Variants in NOX4 observed in about 807,000 individuals in gnomAD.
NOX4 encodes NADPH oxidase 4, also known as kidney oxidase-1.
Under a neutral mutation model 87.6 loss-of-function variants are expected in NOX4, and 69 were observed. The ratio of observed to expected loss-of-function variants is 0.79; its 90% confidence interval spans 0.65 to 0.96. NOX4 has a LOEUF of 0.96. Among genes scored for constraint, NOX4 ranks in the 40% least tolerant of loss-of-function variants. The pLI is 0.00. For missense variants in NOX4, 680 were observed against 681.5 expected, an observed-to-expected ratio of 1.00 and a Z score of 0.02; for synonymous variants, 275 against 238.2, an observed-to-expected ratio of 1.15 and a Z score of -1.42.
At chr11:89,579,925 A>G in the NOX4 span, among the ~76,000 whole-genome samples, 1 of 152,132 alleles carries the variant, frequency 6.6e-6, no homozygotes, top group Admixed American at 6.6e-5. Flanking sequence ...AAAAAAAAAA[A>G]GACCATTTAG....
chr11:89,433,585 A>C (rs1454375583), intron 6 of NOX4, among the ~76,000 whole-genome samples: 2 of 152,068 alleles, frequency 1.3e-5, no homozygotes, highest in Non-Finnish European at 2.9e-5. Flanking sequence ...GAATAATTTT[A>C]AACAAAAAAT....
chr11:89,493,664 G>A (rs1022221080), upstream of NOX4, among the ~76,000 whole-genome samples: 2 of 151,420 alleles, frequency 1.3e-5, no homozygotes, highest in Admixed American at 6.6e-5. Context: ...GTCCTGTTAC[G>A]CAGGAACTCT....
chr11:89,447,674 T>C (rs527341417), intron 4 of NOX4, among the ~76,000 whole-genome samples: 11 of 152,188 alleles, frequency 7.2e-5, no homozygotes, highest in Non-Finnish European at 1.6e-4. Context: ...TTGGTTGCTC[T>C]CCAGTTGAAC....
At chr11:89,392,694 G>A (rs1411019395) in intron 11 of NOX4, among the ~76,000 whole-genome samples, 1 of 151,852 alleles carries the variant, frequency 6.6e-6, no homozygotes, top group African/African-American at 2.4e-5. Context: ...TGTTATTTGG[G>A]CATTGATGAC....
chr11:89,459,617 T>G (rs1190482516), intron 2 of NOX4, among the ~76,000 whole-genome samples: 1 of 151,996 alleles, frequency 6.6e-6, no homozygotes, highest in Non-Finnish European at 1.5e-5. Context: ...GTGAAGGACC[T>G]CTTCAAGGAG....
the NOX4 span, among the ~76,000 whole-genome samples, chr11:89,579,491 A>G: frequency 6.6e-6 from 1 of 152,152 alleles, no homozygotes; most frequent in Non-Finnish European, 1.5e-5. Flanking sequence ...GTCTATTTAA[A>G]GAACAAAATA....
intron 2 of NOX4, among the ~76,000 whole-genome samples, chr11:89,459,755 C>A (rs575691948): frequency 7.9e-5 from 12 of 152,222 alleles, no homozygotes; most frequent in Non-Finnish European, 1.8e-4. Flanking sequence ...TACAGATTCA[C>A]TGCCATCCCC....
At chr11:89,577,152 T>G in the NOX4 span, 1 of 152,034 alleles carries the variant, frequency 6.6e-6, no homozygotes, top group African/African-American at 2.4e-5. Flanking sequence ...CAAGCAGCAG[T>G]GGGATATGAT....
At chr11:89,522,426 G>A in the NOX4 span, among the ~76,000 whole-genome samples, 7 of 152,128 alleles carry the variant, frequency 4.6e-5, no homozygotes, top group African/African-American at 1.4e-4. Context: ...AATACCACAT[G>A]TTCTTACTTA....
chr11:89,344,955 C>G (rs531268395), intron 13 of NOX4, among the ~76,000 whole-genome samples: 1 of 152,104 alleles, frequency 6.6e-6, no homozygotes, highest in Non-Finnish European at 1.5e-5. Context: ...TCTAACAATT[C>G]TCTCTTCATG....
At chr11:89,501,731 G>A (rs1947023082), upstream of NOX4, among the ~76,000 whole-genome samples, 1 of 151,958 alleles carries the variant, frequency 6.6e-6, no homozygotes. Context: ...TCCCAAATAT[G>A]TAAAGTCAAA....
intron 11 of NOX4, among the ~76,000 whole-genome samples, chr11:89,383,894 C>G (rs957155118): frequency 6.6e-6 from 1 of 152,098 alleles, no homozygotes. Context: ...TAACTCTACT[C>G]CCTCCTTGGG....
intron 2 of NOX4, among the ~76,000 whole-genome samples, chr11:89,482,296 T>C (rs1946423795): frequency 6.6e-6 from 1 of 152,080 alleles, no homozygotes. Context: ...CAAATTAATT[T>C]CTCAAAATGC....
chr11:89,575,504 T>A, the NOX4 span, among the ~76,000 whole-genome samples: 1 of 152,148 alleles, frequency 6.6e-6, no homozygotes, highest in Non-Finnish European at 1.5e-5. Context: ...ATATAATCAT[T>A]GATTTATTCT....
intron 13 of NOX4, among the ~76,000 whole-genome samples, chr11:89,351,799 C>T (rs2134962251): frequency 6.6e-6 from 1 of 152,226 alleles, no homozygotes; most frequent in Non-Finnish European, 1.5e-5. Context: ...TGTTACTACT[C>T]ACATAGGCAG....
At chr11:89,462,233 T>C (rs934383270) in intron 2 of NOX4, among the ~76,000 whole-genome samples, 1 of 152,082 alleles carries the variant, frequency 6.6e-6, no homozygotes, top group East Asian at 1.9e-4. Context: ...AAGGGCTAAG[T>C]AGATAATTAA....
the NOX4 span, among the ~76,000 whole-genome samples, chr11:89,510,957 T>C: frequency 6.6e-6 from 1 of 152,046 alleles, no homozygotes; most frequent in African/African-American, 2.4e-5. Flanking sequence ...TTTAACACAA[T>C]CTCTTTTCCT....
At chr11:89,566,825 C>T in the NOX4 span, among the ~76,000 whole-genome samples, 2 of 152,154 alleles carry the variant, frequency 1.3e-5, no homozygotes, top group African/African-American at 2.4e-5. Context: ...CCAGTGACTC[C>T]TTGGAAGGAG....
the NOX4 span, among the ~76,000 whole-genome samples, chr11:89,508,590 G>A: frequency 6.6e-6 from 1 of 152,050 alleles, no homozygotes; most frequent in Non-Finnish European, 1.5e-5. Flanking sequence ...TTTTTGATAT[G>A]TTGAGAGACT....
Sources: allele counts gnomAD v4.1 joint callset (sites outside exome capture counted in the v4.1 genomes callset), GRCh38; gene constraint gnomAD v4.1.1; transcripts MANE v1.5; gene names NCBI Gene and HGNC (gene_info 2026-07-23, HGNC 2026-07-21).